Variants in RABGAP1L observed in about 807,000 individuals in gnomAD.
The protein encoded by RABGAP1L is rab GTPase-activating protein 1-like.
In RABGAP1L, 63 loss-of-function variants were observed where a neutral mutation model predicts 137.7. The ratio of observed to expected loss-of-function variants is 0.46; its 90% CI spans 0.37 to 0.56. The LOEUF (loss-of-function observed/expected upper bound fraction) is 0.56. Among genes scored for constraint, RABGAP1L ranks in the 20% least tolerant of loss-of-function variants. The probability of loss-of-function intolerance (pLI) is 0.00; values close to 1 mark genes in which losing one functional copy is unlikely to be tolerated. For missense variants in RABGAP1L, 1,095 were observed against 1,244.0 expected (o/e 0.88, Z 1.80); for synonymous variants, 431 against 433.7 (o/e 0.99, Z 0.08).
chr1:174,884,261 G>T (rs1249459828), intron 19 of RABGAP1L, among the ~76,000 whole-genome samples: 1 of 152,184 alleles, frequency 6.6e-6, no homozygotes, highest in Non-Finnish European at 1.5e-5. Context: ...CTATAAATGG[G>T]AGACGAGGGT....
At chr1:174,422,592 G>A (rs936705862) in intron 13 of RABGAP1L, among the ~76,000 whole-genome samples, 3 of 152,032 alleles carry the variant, frequency 2.0e-5, no homozygotes, top group African/African-American at 7.2e-5. Context: ...AGGCCCAAGA[G>A]AAGTTATATG....
chr1:174,988,611 G>C (rs1486869990), intron 24 of RABGAP1L, 30 bp from the exon 25 acceptor site: 6 of 1,462,478 alleles, frequency 4.1e-6, no homozygotes, highest in Non-Finnish European at 1.8e-6. Context: ...GGAATAGTTT[G>C]ATGTTGGTTA....
In RABGAP1L at chr1:174,637,155, C is replaced by A. The variant is rs539330622; in HGVS notation, c.1711-220C>A. 2.0e-5 allele frequency among the ~76,000 whole-genome samples: 3 copies of A among 152,280 alleles called. No individual in the cohort carries two copies. In the East Asian group the frequency reaches 5.8e-4, roughly 29 times the overall value. ...CCTTCTCCCCATATAAACATACATA[C>A]ACACACAAATATGTATAGATAGATG... On this transcript the variant is annotated intron_variant, in intron 13 of 25. Transcript: ENST00000681986.
chr1:174,445,222 G>T (rs779677115), intron 13 of RABGAP1L, among the ~76,000 whole-genome samples: 4 of 152,072 alleles, frequency 2.6e-5, no homozygotes, highest in Non-Finnish European at 5.9e-5. Flanking sequence ...TAAGAAAAAT[G>T]CTGATCCCCT....
At chr1:174,665,368 C>CCTTTT (rs1436455826) in intron 14 of RABGAP1L, among the ~76,000 whole-genome samples, 1 of 151,816 alleles carries the variant, frequency 6.6e-6, no homozygotes, top group Non-Finnish European at 1.5e-5. Flanking sequence ...TTTCCTTCTT[C>CCTTTT]CTTTTCTTTT....
chr1:174,449,290 C>T (rs989584693), intron 13 of RABGAP1L: 1 of 1,082,530 alleles, frequency 9.2e-7, no homozygotes, highest in African/African-American at 1.6e-5. Flanking sequence ...GAAATATTTA[C>T]TTGAATAGTT....
intron 11 of RABGAP1L, among the ~76,000 whole-genome samples, chr1:174,313,084 C>T (rs1043622869): frequency 6.6e-5 from 10 of 152,080 alleles, no homozygotes; most frequent in African/African-American, 2.2e-4. Flanking sequence ...CCCACCACCA[C>T]GCCTGGCTAA....
chr1:174,205,295 C>G (rs1350701302), intron 1 of RABGAP1L, among the ~76,000 whole-genome samples: 1 of 151,996 alleles, frequency 6.6e-6, no homozygotes, highest in East Asian at 1.9e-4. Context: ...ATGGTGCTGG[C>G]CTCATAGAAT....
intron 13 of RABGAP1L, among the ~76,000 whole-genome samples, chr1:174,629,703 T>G (rs1358430686): frequency 1.3e-5 from 2 of 152,080 alleles, no homozygotes; most frequent in Non-Finnish European, 2.9e-5. Flanking sequence ...TTTGTATTTT[T>G]TAGTAGAGAC....
intron 11 of RABGAP1L, among the ~76,000 whole-genome samples, chr1:174,363,181 AT>A (rs1684294486): frequency 6.6e-6 from 1 of 152,158 alleles, no homozygotes; most frequent in Non-Finnish European, 1.5e-5. Flanking sequence ...CTTGGTTACC[AT>A]AGCCCTGTAG....
chr1:174,479,384 C>T (rs535692911), intron 13 of RABGAP1L, among the ~76,000 whole-genome samples: 16 of 152,340 alleles, frequency 1.1e-4, no homozygotes, highest in South Asian at 2.1e-4. Flanking sequence ...TAAATTTACA[C>T]GCTTGGGCTC....
In RABGAP1L at chr1:174,435,512, T is replaced by C. The variant is rs186215724; in HGVS notation, c.1710+41367T>C. Among the ~76,000 whole-genome samples the C allele has an allele frequency of 2.3e-3, 344 of 152,318 alleles. 1 individual carries two copies. The highest frequency in any genetic ancestry group is 7.8e-3 in the African/African-American group (326 of 41,566). Reference sequence around the variant, plus strand: ...TTATTCAAATTTTTCTAATACCATTTACTGAGAAAATTTTCCTTTTTCCTT... The same window carrying C: ...TTATTCAAATTTTTCTAATACCATTCACTGAGAAAATTTTCCTTTTTCCTT... On this transcript the variant is annotated intron_variant, in intron 13 of 25. Coordinates refer to ENST00000681986, the MANE Select transcript of RABGAP1L (RefSeq NM_001366446.1).
intron 14 of RABGAP1L, among the ~76,000 whole-genome samples, chr1:174,681,252 A>G (rs1361357861): frequency 6.6e-6 from 1 of 152,256 alleles, no homozygotes; most frequent in Non-Finnish European, 1.5e-5. Flanking sequence ...TGTATCCACA[A>G]ACGCTGTGTA....
At chr1:174,787,419 AAAT>A (rs1169169039) in intron 18 of RABGAP1L, among the ~76,000 whole-genome samples, 93 of 151,896 alleles carry the variant, frequency 6.1e-4, no homozygotes, top group East Asian at 3.5e-3. Flanking sequence ...AAAAAAAAAA[AAAT>A]AAGAGAAAGT....
intron 1 of RABGAP1L, among the ~76,000 whole-genome samples, chr1:174,191,116 A>C (rs1229112107): frequency 6.6e-6 from 1 of 152,218 alleles, no homozygotes; most frequent in Non-Finnish European, 1.5e-5. Context: ...AATAATAATG[A>C]AAAAGCACAA....
chr1:174,737,412 A>AT (rs1455458781), intron 17 of RABGAP1L, among the ~76,000 whole-genome samples: 1 of 152,056 alleles, frequency 6.6e-6, no homozygotes, highest in Non-Finnish European at 1.5e-5. Context: ...TTCCTAATAA[A>AT]TTCCTCATTT....
chr1:174,615,730 T>C (rs980529907), intron 13 of RABGAP1L, among the ~76,000 whole-genome samples: 1 of 152,102 alleles, frequency 6.6e-6, no homozygotes. Context: ...GTGGGCTCCA[T>C]CCAGTTCGAG....
chr1:174,858,798 A>G lies in RABGAP1L; in HGVS notation c.2340+46838A>G, dbSNP rs80090547. The stretch of plus-strand genomic sequence containing the variant: ...TTATTACTACAGGAAAACAAAAAAG[A>G]AAGCAAAAGATCCTACTATCTGGTA... On this transcript the variant is annotated intron_variant, in intron 19 of 25. Coordinates refer to ENST00000681986, the MANE Select transcript of RABGAP1L (RefSeq NM_001366446.1). 3.7e-3 allele frequency among the ~76,000 whole-genome samples: 571 copies of G among 152,354 alleles called. 3 individuals carry two copies. The highest frequency in any genetic ancestry group is 0.013 in the African/African-American group (546 of 41,574).
At chr1:174,474,648 G>A (rs1337141738) in intron 13 of RABGAP1L, among the ~76,000 whole-genome samples, 1 of 152,108 alleles carries the variant, frequency 6.6e-6, no homozygotes, top group East Asian at 1.9e-4. Context: ...CTGTCGCCAG[G>A]CTGGAGTGCA....
Sources: allele counts gnomAD v4.1 joint callset (sites outside exome capture counted in the v4.1 genomes callset), GRCh38; gene constraint gnomAD v4.1.1; transcripts MANE v1.5; gene names NCBI Gene and HGNC (gene_info 2026-07-23, HGNC 2026-07-21).